Variants in GABRG3 observed in about 807,000 individuals in gnomAD.
GABRG3 encodes the protein gamma-aminobutyric acid type A receptor subunit gamma3.
Under a neutral mutation model 48.8 loss-of-function variants are expected in GABRG3, and 25 were observed. That is an observed-to-expected ratio of 0.51 (90% CI 0.37 to 0.72). The LOEUF (loss-of-function observed/expected upper bound fraction) is 0.72, where lower values mean the gene tolerates loss of function less well. Ranked by LOEUF, GABRG3 falls within the 30% of genes least tolerant of loss-of-function variation. The probability of loss-of-function intolerance (pLI) is 0.00; values close to 1 mark genes in which losing one functional copy is unlikely to be tolerated. For synonymous variants in GABRG3, 227 were observed against 217.6 expected, an observed-to-expected ratio of 1.04 and a Z score of -0.38; for missense variants, 394 against 577.9, an observed-to-expected ratio of 0.68 and a Z score of 3.26.
chr15:27,361,581 CA>C (rs1268404716), intron 5 of GABRG3, among the ~76,000 whole-genome samples: 1 of 152,186 alleles, frequency 6.6e-6, no homozygotes, highest in Non-Finnish European at 1.5e-5. Context: ...GCTCCCCTGC[CA>C]GAGAAGACTG....
intron 1 of GABRG3, among the ~76,000 whole-genome samples, chr15:26,973,064 C>T (rs1894875827): frequency 6.6e-6 from 1 of 152,238 alleles, no homozygotes; most frequent in Non-Finnish European, 1.5e-5. Flanking sequence ...CTGAGGCCGG[C>T]AGTCACATCT....
chr15:27,301,384 A>T (rs905309471), intron 3 of GABRG3, among the ~76,000 whole-genome samples: 2 of 152,160 alleles, frequency 1.3e-5, no homozygotes, highest in African/African-American at 4.8e-5. Context: ...GCTGAATAAT[A>T]TCTGTGAATA....
chr15:27,229,445 T>C (rs1191995152), intron 3 of GABRG3, among the ~76,000 whole-genome samples: 1 of 143,980 alleles, frequency 6.9e-6, no homozygotes, highest in African/African-American at 2.7e-5. Flanking sequence ...TCTGTGTGCC[T>C]AGGTTTTTTG....
At chr15:27,102,346 A>G (rs910598007) in intron 3 of GABRG3, among the ~76,000 whole-genome samples, 2 of 152,224 alleles carry the variant, frequency 1.3e-5, no homozygotes, top group Non-Finnish European at 2.9e-5. Flanking sequence ...CAGAATTTCC[A>G]CGAGGGAGCT....
intron 2 of GABRG3, among the ~76,000 whole-genome samples, chr15:27,012,119 A>G (rs1895700450): frequency 2.6e-5 from 4 of 152,110 alleles, no homozygotes; most frequent in African/African-American, 7.2e-5. Context: ...TGAATTCTCT[A>G]TTATTTTTCT....
intron 6 of GABRG3, among the ~76,000 whole-genome samples, chr15:27,491,579 T>C (rs1175421448): frequency 2.0e-5 from 3 of 152,264 alleles, no homozygotes; most frequent in Non-Finnish European, 4.4e-5. Context: ...CGTTAATCTT[T>C]GGATTTCAAA....
At chr15:27,130,035 T>C (rs1897889177) in intron 3 of GABRG3, among the ~76,000 whole-genome samples, 1 of 152,202 alleles carries the variant, frequency 6.6e-6, no homozygotes, top group Admixed American at 6.5e-5. Flanking sequence ...TAGGGACTTT[T>C]GATGCATAAA....
chr15:27,226,817 G>A (rs1418259065), intron 3 of GABRG3, among the ~76,000 whole-genome samples: 1 of 152,218 alleles, frequency 6.6e-6, no homozygotes, highest in African/African-American at 2.4e-5. Context: ...TTTGGCCATA[G>A]CCAGCATCTT....
At chr15:27,272,746 A>AT (rs772439290) in intron 3 of GABRG3, among the ~76,000 whole-genome samples, 4 of 152,072 alleles carry the variant, frequency 2.6e-5, no homozygotes, top group Admixed American at 6.6e-5. Flanking sequence ...TGCTTGTTTT[A>AT]TTTTTTTCCT....
chr15:27,099,271 GT>G (rs1566935192), intron 3 of GABRG3, among the ~76,000 whole-genome samples: 1 of 152,120 alleles, frequency 6.6e-6, no homozygotes, highest in Non-Finnish European at 1.5e-5. Flanking sequence ...AAGTTGTTGC[GT>G]TACTTGCTTG....
chr15:27,250,004 G>A (rs1382776272), intron 3 of GABRG3, among the ~76,000 whole-genome samples: 2 of 152,136 alleles, frequency 1.3e-5, no homozygotes, highest in Non-Finnish European at 2.9e-5. Flanking sequence ...GAGTCAGCAC[G>A]CACAGGTGGG....
chr15:27,435,278 CAG>C (rs1888577580), intron 5 of GABRG3, among the ~76,000 whole-genome samples: 1 of 151,312 alleles, frequency 6.6e-6, no homozygotes. Flanking sequence ...TTCCCTCTAG[CAG>C]AGTTTTGCAA....
At chr15:27,028,696 C>T (rs1896026300) in intron 3 of GABRG3, among the ~76,000 whole-genome samples, 1 of 151,234 alleles carries the variant, frequency 6.6e-6, no homozygotes, top group South Asian at 2.1e-4. Context: ...GTCTCAGCTA[C>T]TCGAGAGGCT....
chr15:27,208,996 T>G (rs1470017954), intron 3 of GABRG3, among the ~76,000 whole-genome samples: 2 of 152,218 alleles, frequency 1.3e-5, no homozygotes, highest in African/African-American at 4.8e-5. Flanking sequence ...GAGCCATTGA[T>G]TCCCTGAGCC....
At chr15:27,376,406 G>A (rs933670789) in intron 5 of GABRG3, among the ~76,000 whole-genome samples, 2 of 152,136 alleles carry the variant, frequency 1.3e-5, no homozygotes, top group African/African-American at 2.4e-5. Flanking sequence ...CCCCAGTAGG[G>A]ACCAACCCCA....
In GABRG3 at chr15:27,067,728, C is replaced by T. The variant is rs565111081; in HGVS notation, c.270+40907C>T. Among the ~76,000 whole-genome samples, 69 of 152,274 alleles carry T rather than the reference C, an allele frequency of 4.5e-4. No individual in the cohort carries two copies. In the Middle Eastern group the frequency reaches 0.01, roughly 23 times the overall value. On this transcript the variant is annotated intron_variant, in intron 3 of 9. Coordinates refer to ENST00000615808, the MANE Select transcript of GABRG3 (RefSeq NM_033223.5). ...ACCTGGAACTTTAGGTCTGTTCAGG[C>T]GGCTCTGCCTTCCAAGCCTGGCTGT... is the stretch of plus-strand genomic sequence containing the variant.
intron 5 of GABRG3, among the ~76,000 whole-genome samples, chr15:27,466,770 G>A (rs879772093): frequency 2.0e-5 from 3 of 152,228 alleles, no homozygotes; most frequent in Non-Finnish European, 4.4e-5. Context: ...CCAAGGGTAA[G>A]CATGGTGGCA....
chr15:27,149,535 A>G (rs151027976), intron 3 of GABRG3, among the ~76,000 whole-genome samples: 10 of 152,336 alleles, frequency 6.6e-5, no homozygotes, highest in Admixed American at 2.6e-4. Context: ...GCAAAAAACA[A>G]TCTTGCAGAA....
chr15:27,250,898 G>A (rs1446396742), intron 3 of GABRG3, among the ~76,000 whole-genome samples: 2 of 151,886 alleles, frequency 1.3e-5, no homozygotes, highest in Admixed American at 6.5e-5. Context: ...TGGGTGCAGC[G>A]CTTCTCTGTG....
Sources: allele counts gnomAD v4.1 joint callset (sites outside exome capture counted in the v4.1 genomes callset), GRCh38; gene constraint gnomAD v4.1.1; transcripts MANE v1.5; gene names NCBI Gene and HGNC (gene_info 2026-07-23, HGNC 2026-07-21).